UVRAG: variants seen among roughly 807,000 people sequenced by gnomAD.
UVRAG encodes UV radiation resistance associated.
A neutral mutation model predicts 78.0 loss-of-function variants in UVRAG; 19 were observed. That is an observed-to-expected ratio of 0.24 (90% CI 0.17 to 0.36). The LOEUF (loss-of-function observed/expected upper bound fraction) is 0.36. UVRAG is among the 10% of genes least tolerant of loss of function. The pLI is 1.00. For synonymous variants in UVRAG, 323 were observed against 324.6 expected (o/e 1.00, Z 0.05); for missense variants, 740 against 853.8 (o/e 0.87, Z 1.66).
At position 75,914,843 on chromosome 11, in the gene UVRAG, C is replaced by A. The variant is rs184339026; in HGVS notation, c.593+2804C>A. Among the ~76,000 whole-genome samples the A allele has an allele frequency of 1.7e-3, 256 of 151,284 alleles. 1 individual carries two copies. The highest frequency in any genetic ancestry group is 6.1e-3 in the African/African-American group (247 of 40,698). On this transcript the variant is annotated intron_variant, in intron 6 of 14. Coordinates refer to ENST00000356136, the MANE Select transcript of UVRAG (RefSeq NM_003369.4). ...TTCTAGTTAATTAATTTTCACTGTA[C>A]TGTTGGGCCACTAGGATACATCTGT...
intron 6 of UVRAG, among the ~76,000 whole-genome samples, chr11:75,942,670 A>C (rs1948508358): frequency 6.6e-6 from 1 of 152,192 alleles, no homozygotes; most frequent in South Asian, 2.1e-4. Context: ...TTAAGTGTAC[A>C]TTAAACACTT....
chr11:76,133,779 G>T (rs1231017395), intron 14 of UVRAG, among the ~76,000 whole-genome samples: 2 of 151,954 alleles, frequency 1.3e-5, no homozygotes, highest in African/African-American at 2.4e-5. Context: ...GGTAGATCAT[G>T]AAAACAGAGG....
chr11:76,144,051 A>T lies in UVRAG; in HGVS notation c.*2638A>T, dbSNP rs1467305660. ...TTCCCCTCAGAATATTAGTTTTGGA[A>T]GATTGTGCCCAGCTATATATTTTTT... On this transcript the variant is annotated 3_prime_UTR_variant, in exon 15 of 15. Transcript: ENST00000356136. 6.6e-6 allele frequency among the ~76,000 whole-genome samples: 1 copy of T among 152,204 alleles called. No homozygotes were observed. Among genetic ancestry groups the T allele is most frequent in the African/African-American group, 2.4e-5 (1 of 41,454 alleles).
At chr11:75,907,953 A>C (rs563078300) in intron 5 of UVRAG, among the ~76,000 whole-genome samples, 1 of 152,332 alleles carries the variant, frequency 6.6e-6, no homozygotes, top group South Asian at 2.1e-4. Context: ...CATTCTAAGT[A>C]TACAGTTTAG....
intron 7 of UVRAG, among the ~76,000 whole-genome samples, chr11:75,974,640 A>G (rs1309031384): frequency 3.9e-5 from 6 of 152,112 alleles, no homozygotes; most frequent in African/African-American, 1.2e-4. Context: ...TGCTGGGATT[A>G]CAGGCGTGAG....
chr11:76,055,252 T>TTGG (rs1950958350), intron 12 of UVRAG, among the ~76,000 whole-genome samples: 1 of 152,142 alleles, frequency 6.6e-6, no homozygotes, highest in Non-Finnish European at 1.5e-5. Context: ...TTTGCCATAC[T>TTGG]ACCCAAGCTG....
chr11:75,880,876 G>A (rs1170692105), intron 4 of UVRAG, among the ~76,000 whole-genome samples: 1 of 150,946 alleles, frequency 6.6e-6, no homozygotes, highest in African/African-American at 2.4e-5. Flanking sequence ...CTTTTAACTG[G>A]GCTCAAAAGT....
At chr11:76,058,550 A>AAC (rs1951024697) in intron 12 of UVRAG, among the ~76,000 whole-genome samples, 5 of 151,926 alleles carry the variant, frequency 3.3e-5, no homozygotes, top group African/African-American at 1.2e-4. Context: ...AAAAAAAAAA[A>AAC]AAAATTATTG....
intron 12 of UVRAG, among the ~76,000 whole-genome samples, chr11:76,022,796 T>A (rs1950269018): frequency 6.6e-6 from 1 of 152,202 alleles, no homozygotes; most frequent in Non-Finnish European, 1.5e-5. Flanking sequence ...TATGCCACTT[T>A]GCTATTTGTT....
intron 13 of UVRAG, among the ~76,000 whole-genome samples, chr11:76,084,038 C>T (rs1464229710): frequency 6.6e-6 from 1 of 152,186 alleles, no homozygotes; most frequent in Non-Finnish European, 1.5e-5. Flanking sequence ...TTTGAGTTGA[C>T]CTGTAACTTT....
rs1310114865 is a variant in UVRAG, at chr11:75,828,774, T to TAC, written c.117+13256_117+13257dup. Among the ~76,000 whole-genome samples, 493 of 100,812 alleles carry TAC rather than the reference T, an allele frequency of 4.9e-3. 2 individuals are homozygous for TAC. Among genetic ancestry groups the TAC allele is most frequent in the East Asian group, 7.4e-3 (24 of 3,248 alleles). The allele number at this position is 100,812 out of a possible 152,430, so 66.1% of individuals were successfully genotyped here. ...ACACACATATATATATATATATATA[T>TAC]ACACACATATATATATATATATATA... is the stretch of plus-strand genomic sequence containing the variant. On this transcript the variant is annotated intron_variant, in intron 1 of 14. Transcript: ENST00000356136.
intron 13 of UVRAG, among the ~76,000 whole-genome samples, chr11:76,075,628 A>G (rs1485265486): frequency 6.6e-6 from 1 of 151,834 alleles, no homozygotes; most frequent in Non-Finnish European, 1.5e-5. Flanking sequence ...AAAAAAAAGT[A>G]TATAGTTCAG....
At chr11:75,951,673 C>T (rs979477637) in intron 6 of UVRAG, among the ~76,000 whole-genome samples, 11 of 152,274 alleles carry the variant, frequency 7.2e-5, no homozygotes, top group Middle Eastern at 3.4e-3. Context: ...TGAACCACCG[C>T]ACCCAGCCCT....
chr11:75,821,388 C>G (rs1348632804), intron 1 of UVRAG, among the ~76,000 whole-genome samples: 1 of 152,160 alleles, frequency 6.6e-6, no homozygotes, highest in Non-Finnish European at 1.5e-5. Flanking sequence ...GTTGCCCAGG[C>G]TAAAGTGCAG....
chr11:76,043,375 T>C (rs184434857), intron 12 of UVRAG, among the ~76,000 whole-genome samples: 1 of 152,322 alleles, frequency 6.6e-6, no homozygotes, highest in African/African-American at 2.4e-5. Context: ...TTGTTTATAT[T>C]CATTTAATAA....
At chr11:75,880,166 T>A in intron 4 of UVRAG, 126 bp downstream of exon 4, 1 of 1,066,360 alleles carries the variant, frequency 9.4e-7, no homozygotes, top group Non-Finnish European at 1.3e-6. Flanking sequence ...TTTACTTATA[T>A]CACTAAGAGA....
At chr11:76,066,858 C>T (rs149994131) in intron 13 of UVRAG, among the ~76,000 whole-genome samples, 14 of 152,326 alleles carry the variant, frequency 9.2e-5, no homozygotes, top group Non-Finnish European at 1.9e-4. Context: ...TGAGTATCCA[C>T]AATTTGGCTT....
At chr11:76,086,144 G>C (rs555152032) in intron 13 of UVRAG, among the ~76,000 whole-genome samples, 17 of 152,288 alleles carry the variant, frequency 1.1e-4, no homozygotes, top group Admixed American at 2.6e-4. Context: ...TAAAATTCGG[G>C]CCTGTTAATG....
chr11:75,851,977 G>A lies in UVRAG; in HGVS notation c.212G>A (p.Cys71Tyr). 2 of 1,611,480 alleles carry A rather than the reference G, an allele frequency of 1.2e-6. No individual in the cohort carries two copies. The highest frequency in any genetic ancestry group is 1.1e-5 in the South Asian group (1 of 90,672). The stretch of plus-strand genomic sequence containing the variant: ...GATACCTACTTTACACTTCACTTGT[G>A]TAGTACTGAAAAGATATATAAAGGT... Reference protein sequence around the residue: ...LLDTYFTLHLCSTEKIYKEFY... With the variant: ...LLDTYFTLHLYSTEKIYKEFY... The change falls in exon 2 of 15, where the codon TGT becomes TAT. Residue 71 changes from cysteine (C) to tyrosine (Y), a missense_variant. Transcript: ENST00000356136.
Sources: allele counts gnomAD v4.1 joint callset (sites outside exome capture counted in the v4.1 genomes callset), GRCh38; gene constraint gnomAD v4.1.1; transcripts MANE v1.5; gene names NCBI Gene and HGNC (gene_info 2026-07-23, HGNC 2026-07-21).